ROBO1: variants seen among roughly 807,000 people sequenced by gnomAD.
ROBO1 encodes the protein roundabout homolog 1.
Under a neutral mutation model 195.9 loss-of-function variants are expected in ROBO1, and 149 were observed. That is an observed-to-expected ratio of 0.76 (90% CI 0.67 to 0.87). The LOEUF (loss-of-function observed/expected upper bound fraction) is 0.87, where lower values mean the gene tolerates loss of function less well. Ranked by LOEUF, ROBO1 falls within the 40% of genes least tolerant of loss-of-function variation. The probability of loss-of-function intolerance (pLI) is 0.00; values close to 1 mark genes in which losing one functional copy is unlikely to be tolerated. For missense variants in ROBO1, 1,933 were observed against 2,068.3 expected (o/e 0.93, Z 1.27); for synonymous variants, 816 against 733.2 (o/e 1.11, Z -1.82).
chr3:79,126,783 T>G (rs2080224048), intron 2 of ROBO1, among the ~76,000 whole-genome samples: 1 of 152,108 alleles, frequency 6.6e-6, no homozygotes, highest in Non-Finnish European at 1.5e-5. Flanking sequence ...TCTAGAAACA[T>G]CACAGAGGTC....
intron 2 of ROBO1, among the ~76,000 whole-genome samples, chr3:79,155,973 GA>G (rs2080851175): frequency 6.6e-6 from 1 of 151,802 alleles, no homozygotes; most frequent in South Asian, 2.1e-4. Context: ...TTACAATCCT[GA>G]ATGCCTTCAA....
chr3:79,649,017 A>G (rs1192355428), intron 1 of ROBO1, among the ~76,000 whole-genome samples: 1 of 152,080 alleles, frequency 6.6e-6, no homozygotes, highest in Non-Finnish European at 1.5e-5. Flanking sequence ...AGCTTGCTAA[A>G]AAGGTAAGAA....
chr3:78,957,013 G>T (rs2041080900), intron 3 of ROBO1, among the ~76,000 whole-genome samples: 1 of 152,104 alleles, frequency 6.6e-6, no homozygotes, highest in African/African-American at 2.4e-5. Context: ...GGTCTGAAAA[G>T]AATCTTAACA....
At chr3:78,715,561 A>G (rs941023779) in intron 7 of ROBO1, among the ~76,000 whole-genome samples, 1 of 152,128 alleles carries the variant, frequency 6.6e-6, no homozygotes, top group Admixed American at 6.5e-5. Flanking sequence ...AGATGGAGTC[A>G]CACTCTGCCG....
intron 2 of ROBO1, among the ~76,000 whole-genome samples, chr3:79,304,546 C>A (rs1268440951): frequency 6.6e-6 from 1 of 152,138 alleles, no homozygotes; most frequent in Admixed American, 6.6e-5. Context: ...CCCAAGCAAC[C>A]ACCAGTCTAC....
At position 78,637,541 on chromosome 3, in the gene ROBO1, G is replaced by T. The variant is rs190657241; in HGVS notation, c.3038-1433C>A. 2.6e-3 allele frequency among the ~76,000 whole-genome samples: 396 copies of T among 152,270 alleles called. 1 individual carries two copies. The highest frequency in any genetic ancestry group is 8.9e-3 in the African/African-American group (369 of 41,558). Reference sequence around the variant, plus strand: ...AGAAATGTAGCTAGTGCAAAAGAGGGACTGAGTTTTAAACTATATTTTATT... The same window carrying T: ...AGAAATGTAGCTAGTGCAAAAGAGGTACTGAGTTTTAAACTATATTTTATT... On this transcript the variant is annotated intron_variant, in intron 22 of 30. Transcript: ENST00000464233.
chr3:79,545,750 A>T (rs1185336023), intron 2 of ROBO1, among the ~76,000 whole-genome samples: 1 of 152,186 alleles, frequency 6.6e-6, no homozygotes, highest in African/African-American at 2.4e-5. Context: ...CTGATATTAA[A>T]ATGTGGAGTA....
At chr3:78,870,706 T>C (rs892478281) in intron 4 of ROBO1, among the ~76,000 whole-genome samples, 9 of 152,090 alleles carry the variant, frequency 5.9e-5, no homozygotes, top group African/African-American at 1.9e-4. Context: ...ATTGCGAAAA[T>C]TGCTGAGCCA....
At chr3:79,617,341 A>G (rs775789936) in intron 1 of ROBO1, among the ~76,000 whole-genome samples, 1 of 152,158 alleles carries the variant, frequency 6.6e-6, no homozygotes, top group African/African-American at 2.4e-5. Flanking sequence ...CTAGGAAAGA[A>G]GATAATCTTC....
chr3:78,707,618 A>G (rs1217873909), intron 8 of ROBO1, among the ~76,000 whole-genome samples: 2 of 152,322 alleles, frequency 1.3e-5, no homozygotes, highest in South Asian at 2.1e-4. Flanking sequence ...AGAAAAATGG[A>G]CAAGCTCTTA....
intron 3 of ROBO1, among the ~76,000 whole-genome samples, chr3:78,991,105 T>C (rs2077226956): frequency 1.3e-5 from 2 of 152,126 alleles, no homozygotes; most frequent in Admixed American, 6.6e-5. Context: ...TGGATAGGAT[T>C]AGCAATTGAT....
At chr3:79,220,321 TTCTC>T (rs1423048288) in intron 2 of ROBO1, among the ~76,000 whole-genome samples, 1 of 152,078 alleles carries the variant, frequency 6.6e-6, no homozygotes, top group Non-Finnish European at 1.5e-5. Context: ...TGAATGTTTT[TTCTC>T]TCTCTGTCTC....
intron 1 of ROBO1, among the ~76,000 whole-genome samples, chr3:79,758,039 T>A (rs1263417611): frequency 6.6e-6 from 1 of 152,222 alleles, no homozygotes; most frequent in Non-Finnish European, 1.5e-5. Flanking sequence ...TGCAAAATTA[T>A]CCTTACCAAC....
At chr3:78,797,869 A>C (rs2084232620) in intron 4 of ROBO1, among the ~76,000 whole-genome samples, 1 of 152,214 alleles carries the variant, frequency 6.6e-6, no homozygotes, top group Admixed American at 6.5e-5. Flanking sequence ...ATTACAAAAT[A>C]AAACAAAAGG....
intron 3 of ROBO1, among the ~76,000 whole-genome samples, chr3:78,980,659 G>A (rs895134970): frequency 2.6e-5 from 4 of 152,120 alleles, no homozygotes; most frequent in African/African-American, 7.2e-5. Context: ...CTGGTTGAAA[G>A]ATCTTCAGTT....
intron 5 of ROBO1, among the ~76,000 whole-genome samples, chr3:78,722,026 T>C (rs2082056507): frequency 6.6e-6 from 1 of 152,028 alleles, no homozygotes; most frequent in African/African-American, 2.4e-5. Flanking sequence ...TAAACCAAAA[T>C]TCAAAGACAG....
chr3:79,557,192 C>T (rs1942733735), intron 2 of ROBO1, among the ~76,000 whole-genome samples: 1 of 151,738 alleles, frequency 6.6e-6, no homozygotes, highest in Non-Finnish European at 1.5e-5. Flanking sequence ...AAATTCTTGC[C>T]TGTCTCGATA....
chr3:79,740,100 T>G, intron 1 of ROBO1, among the ~76,000 whole-genome samples: 1 of 150,662 alleles, frequency 6.6e-6, no homozygotes, highest in East Asian at 1.9e-4. Context: ...AATTTACATT[T>G]AATTCCACAA....
chr3:79,381,120 A>T (rs1016615817), intron 2 of ROBO1, among the ~76,000 whole-genome samples: 1 of 152,126 alleles, frequency 6.6e-6, no homozygotes, highest in Non-Finnish European at 1.5e-5. Flanking sequence ...GCACGTTGGG[A>T]GGCTGAGGCG....
Sources: allele counts gnomAD v4.1 joint callset (sites outside exome capture counted in the v4.1 genomes callset), GRCh38; gene constraint gnomAD v4.1.1; transcripts MANE v1.5; gene names NCBI Gene and HGNC (gene_info 2026-07-23, HGNC 2026-07-21).